AHCYL2: variants seen among roughly 807,000 people sequenced by gnomAD.
AHCYL2 encodes adenosylhomocysteinase like 2, also known as S-adenosylhomocysteine hydrolase-like protein 2.
Under a neutral mutation model 81.4 loss-of-function variants are expected in AHCYL2, and 28 were observed. That is an observed-to-expected ratio of 0.34 (90% CI 0.25 to 0.47). The LOEUF is 0.47. AHCYL2 is among the 20% of genes least tolerant of loss of function. AHCYL2 has a pLI of 1.00. For missense variants in AHCYL2, 551 were observed against 785.1 expected, an observed-to-expected ratio of 0.70 and a Z score of 3.56; for synonymous variants, 272 against 290.2, an observed-to-expected ratio of 0.94 and a Z score of 0.64.
At chr7:129,354,016 G>A (rs1229378546) in intron 1 of AHCYL2, among the ~76,000 whole-genome samples, 2 of 152,090 alleles carry the variant, frequency 1.3e-5, no homozygotes, top group Non-Finnish European at 2.9e-5. Context: ...AATAGGCGTA[G>A]CAATAAGGAC....
intron 1 of AHCYL2, among the ~76,000 whole-genome samples, chr7:129,237,545 C>G (rs918003207): frequency 6.8e-5 from 6 of 88,210 alleles, no homozygotes; most frequent in African/African-American, 1.0e-4. Context: ...GAAATACTTG[C>G]TATTTTAGCG....
At chr7:129,305,769 T>G (rs1208734082) in intron 1 of AHCYL2, among the ~76,000 whole-genome samples, 1 of 152,270 alleles carries the variant, frequency 6.6e-6, no homozygotes, top group Admixed American at 6.5e-5. Flanking sequence ...GTGTTTCGTA[T>G]AAGACAGGTC....
Position 129,406,522 on chromosome 7 carries a change from G to T in AHCYL2, c.1295+56G>T. On this transcript the variant is annotated intron_variant, in intron 10 of 16. Coordinates refer to ENST00000325006, the MANE Select transcript of AHCYL2 (RefSeq NM_015328.4). This position sits in a 1 kb window ranked among gnomAD's most constrained non-coding sequence, Gnocchi z 4.3. ...ATCTCGGAGCTGTCTCCAAAGAATG[G>T]CCTGGTTGATGCCACACTTTATTTT... 2 of 1,541,314 alleles carry T rather than the reference G, an allele frequency of 1.3e-6. No individual in the cohort carries two copies. The highest frequency in any genetic ancestry group is 2.2e-5 in the South Asian group (2 of 89,478).
chr7:129,234,324 A>G (rs1048848580), intron 1 of AHCYL2, among the ~76,000 whole-genome samples: 2 of 152,016 alleles, frequency 1.3e-5, no homozygotes, highest in Non-Finnish European at 2.9e-5. Context: ...GGCTCACTGC[A>G]ACCTCCGCCT....
chr7:129,304,388 A>G (rs1279327476), intron 1 of AHCYL2, among the ~76,000 whole-genome samples: 1 of 152,200 alleles, frequency 6.6e-6, no homozygotes, highest in East Asian at 1.9e-4. Flanking sequence ...GTAAATATCT[A>G]TTAGGTCCAT....
In AHCYL2 at chr7:129,368,774, T is replaced by A. The variant is rs1794227233; in HGVS notation, c.364-10864T>A. On this transcript the variant is annotated intron_variant, in intron 1 of 16. Coordinates refer to ENST00000325006, the MANE Select transcript of AHCYL2 (RefSeq NM_015328.4). This position sits in a 1 kb window ranked among gnomAD's most constrained non-coding sequence, Gnocchi z 4.4. ...GGTGTGAGAGTTGCCTGGCCAGGGC[T>A]TGTTGCCTGGTCATCTCTGGTGGGC... Among the ~76,000 whole-genome samples the A allele has an allele frequency of 6.6e-6, 1 of 152,172 alleles. No homozygotes were observed. Among genetic ancestry groups the A allele is most frequent in the African/African-American group, 2.4e-5 (1 of 41,438 alleles).
At chr7:129,263,318 G>C (rs1301183203) in intron 1 of AHCYL2, among the ~76,000 whole-genome samples, 1 of 152,212 alleles carries the variant, frequency 6.6e-6, no homozygotes, top group Non-Finnish European at 1.5e-5. Context: ...TTCTCTGAAA[G>C]TTTCTGTTCA....
chr7:129,309,671 A>G (rs921158097), intron 1 of AHCYL2, among the ~76,000 whole-genome samples: 2 of 152,210 alleles, frequency 1.3e-5, no homozygotes, highest in Non-Finnish European at 1.5e-5. Context: ...GATCAATTTT[A>G]CAGTCTGCCT....
intron 2 of AHCYL2, among the ~76,000 whole-genome samples, chr7:129,385,975 A>AT (rs1206753833): frequency 3.9e-5 from 6 of 152,260 alleles, no homozygotes; most frequent in South Asian, 2.1e-4. Context: ...GATTCAAAGA[A>AT]TAAATGAGTA....
chr7:129,364,436 A>G (rs6946288), intron 1 of AHCYL2, among the ~76,000 whole-genome samples: 55,510 of 151,872 alleles, frequency 0.37, 10,817 homozygotes, highest in African/African-American at 0.51. Context: ...GATTTTAGGC[A>G]CGGGCCACTG....
chr7:129,403,990 T>C (rs970261421), intron 7 of AHCYL2, among the ~76,000 whole-genome samples: 2 of 151,434 alleles, frequency 1.3e-5, no homozygotes, highest in African/African-American at 4.8e-5. Flanking sequence ...TTTTTTTTTT[T>C]AATTAACAAC....
chr7:129,352,395 C>T (rs115536877), intron 1 of AHCYL2, among the ~76,000 whole-genome samples: 2,027 of 146,588 alleles, frequency 0.014, 57 homozygotes, highest in African/African-American at 0.048. Context: ...CCGGTGTAGA[C>T]CTCGTATTTG....
chr7:129,300,556 C>T (rs900357592), intron 1 of AHCYL2, among the ~76,000 whole-genome samples: 1 of 152,152 alleles, frequency 6.6e-6, no homozygotes, highest in Non-Finnish European at 1.5e-5. Flanking sequence ...TTGATGGACA[C>T]TTAGGTTGCT....
intron 1 of AHCYL2, among the ~76,000 whole-genome samples, chr7:129,267,237 G>GTGTGTGTATA: frequency 1.4e-5 from 2 of 147,710 alleles, no homozygotes; most frequent in Middle Eastern, 6.9e-3. Flanking sequence ...AGGGGTGTGT[G>GTGTGTGTATA]TGTGTGTGTG....
chr7:129,254,468 A>T (rs183159735), intron 1 of AHCYL2, among the ~76,000 whole-genome samples: 2 of 152,218 alleles, frequency 1.3e-5, no homozygotes, highest in African/African-American at 4.8e-5. Context: ...TTTTAGAGAA[A>T]CTAGCTAGTA....
At chr7:129,361,214 A>G (rs1032740838) in intron 1 of AHCYL2, among the ~76,000 whole-genome samples, 8 of 152,166 alleles carry the variant, frequency 5.3e-5, no homozygotes, top group African/African-American at 1.9e-4. Context: ...ATTGCAAGAG[A>G]TATTACGGAG....
chr7:129,251,820 A>G (rs1795259837), intron 1 of AHCYL2, among the ~76,000 whole-genome samples: 1 of 152,190 alleles, frequency 6.6e-6, no homozygotes, highest in Admixed American at 6.5e-5. Flanking sequence ...AAATACGTCC[A>G]TTAATCTGCA....
chr7:129,306,458 A>C (rs1421939728), intron 1 of AHCYL2, among the ~76,000 whole-genome samples: 1 of 151,988 alleles, frequency 6.6e-6, no homozygotes, highest in Non-Finnish European at 1.5e-5. Context: ...TTTCAATTTC[A>C]TCGTTAAGTT....
chr7:129,344,498 G>C (rs1196950576), intron 1 of AHCYL2, among the ~76,000 whole-genome samples: 1 of 152,208 alleles, frequency 6.6e-6, no homozygotes, highest in Non-Finnish European at 1.5e-5. Context: ...AGTATTTTAT[G>C]ATTCCATATG....
Sources: allele counts gnomAD v4.1 joint callset (sites outside exome capture counted in the v4.1 genomes callset), GRCh38; gene constraint gnomAD v4.1.1; non-coding constraint Gnocchi (gnomAD v3.1); transcripts MANE v1.5; gene names NCBI Gene and HGNC (gene_info 2026-07-23, HGNC 2026-07-21).